Variants in FGD4 observed in about 807,000 individuals in gnomAD.
FGD4 encodes the protein FYVE, RhoGEF and PH domain-containing protein 4.
A neutral mutation model predicts 102.0 loss-of-function variants in FGD4; 42 were observed. The ratio of observed to expected loss-of-function variants is 0.41; its 90% confidence interval spans 0.32 to 0.53. The LOEUF (loss-of-function observed/expected upper bound fraction) is 0.53, where lower values mean the gene tolerates loss of function less well. Among genes scored for constraint, FGD4 ranks in the 20% least tolerant of loss-of-function variants. The pLI is 0.21. For synonymous variants in FGD4, 380 were observed against 375.7 expected (o/e 1.01, Z -0.13); for missense variants, 902 against 1,078.2 (o/e 0.84, Z 2.29).
chr12:32,520,440 G>GTTTTTTTTTTTTTT (rs1167066001), intron 1 of FGD4, among the ~76,000 whole-genome samples: 1 of 134,112 alleles, frequency 7.5e-6, no homozygotes, highest in Non-Finnish European at 1.6e-5. Flanking sequence ...TTTGTTTTTT[G>GTTTTTTTTTTTTTT]TTTTTTTTTT....
intron 8 of FGD4, among the ~76,000 whole-genome samples, chr12:32,608,313 G>C (rs1248268501): frequency 6.6e-6 from 1 of 152,174 alleles, no homozygotes; most frequent in Non-Finnish European, 1.5e-5. Flanking sequence ...TAATTTTGCT[G>C]GTTCCATGTT....
At chr12:32,417,231 A>T (rs1023311373) in intron 1 of FGD4, among the ~76,000 whole-genome samples, 5 of 151,802 alleles carry the variant, frequency 3.3e-5, no homozygotes, top group Non-Finnish European at 7.4e-5. Context: ...ACCATTTAGC[A>T]TTTTTTGTAG....
In FGD4 at chr12:32,640,238, A is replaced by G. The variant is rs200834951; in HGVS notation, c.2455-38A>G. On this transcript the variant is annotated intron_variant, in intron 16 of 16. Coordinates refer to ENST00000534526, the MANE Select transcript of FGD4 (RefSeq NM_001370298.3). Reference sequence around the variant, plus strand: ...CAAGGGACACACTTAACAAGCGAATACATCACCTGCTTTTAATGTCTGATG... The same window carrying G: ...CAAGGGACACACTTAACAAGCGAATGCATCACCTGCTTTTAATGTCTGATG... 7.6e-4 allele frequency: 1,219 copies of G among 1,614,118 alleles called. 4 individuals are homozygous for G. Among genetic ancestry groups the G allele is most frequent in the Middle Eastern group, 4.8e-3 (29 of 6,044 alleles).
intron 1 of FGD4, among the ~76,000 whole-genome samples, chr12:32,555,405 G>A (rs1944011051): frequency 6.6e-6 from 1 of 152,070 alleles, no homozygotes; most frequent in South Asian, 2.1e-4. Flanking sequence ...GATGCTGGTA[G>A]GCAACTGCAT....
At chr12:32,508,613 C>G (rs778178880) in intron 1 of FGD4, among the ~76,000 whole-genome samples, 27 of 152,172 alleles carry the variant, frequency 1.8e-4, no homozygotes, top group Non-Finnish European at 2.6e-4. Context: ...CTTGTTAAGT[C>G]CAACACTGCA....
intron 1 of FGD4, among the ~76,000 whole-genome samples, chr12:32,555,108 T>A (rs1446041974): frequency 6.6e-6 from 1 of 152,126 alleles, no homozygotes; most frequent in Non-Finnish European, 1.5e-5. Flanking sequence ...AGTTAAAAAT[T>A]ATGGTAGTTT....
At chr12:32,429,074 G>A (rs141251278) in intron 1 of FGD4, among the ~76,000 whole-genome samples, 1,533 of 152,260 alleles carry the variant, frequency 0.01, 31 homozygotes, top group African/African-American at 0.035. Context: ...CCTTGCTGGT[G>A]AGGAGTTGTG....
chr12:32,446,978 G>A (rs1186472609), intron 1 of FGD4, among the ~76,000 whole-genome samples: 1 of 152,224 alleles, frequency 6.6e-6, no homozygotes. Flanking sequence ...CAGTGTGTTA[G>A]CAGCCTTGGG....
chr12:32,513,985 A>C (rs1939642000), intron 1 of FGD4, among the ~76,000 whole-genome samples: 1 of 152,224 alleles, frequency 6.6e-6, no homozygotes, highest in Non-Finnish European at 1.5e-5. Context: ...TGAAAAAGTA[A>C]AGTGTAACAA....
intron 1 of FGD4, among the ~76,000 whole-genome samples, chr12:32,459,657 A>G (rs1326331807): frequency 6.6e-6 from 1 of 152,126 alleles, no homozygotes. Context: ...TGAAAAAGAA[A>G]TGTATTTAAA....
intron 1 of FGD4, among the ~76,000 whole-genome samples, chr12:32,552,404 C>T (rs957835262): frequency 9.3e-5 from 14 of 150,952 alleles, no homozygotes; most frequent in Non-Finnish European, 1.6e-4. Context: ...GGATTACAGG[C>T]GCCCGCCGCC....
intron 14 of FGD4, among the ~76,000 whole-genome samples, chr12:32,628,815 G>A (rs1950331874): frequency 6.6e-6 from 1 of 152,122 alleles, no homozygotes; most frequent in East Asian, 1.9e-4. Flanking sequence ...CAATATGTTT[G>A]GGGATGAGGC....
intron 15 of FGD4, among the ~76,000 whole-genome samples, chr12:32,636,024 T>G (rs1183757018): frequency 6.7e-6 from 1 of 150,322 alleles, no homozygotes; most frequent in Non-Finnish European, 1.5e-5. Flanking sequence ...ATAATAATAA[T>G]AATAATAATA....
chr12:32,616,970 A>G (rs573074750), intron 10 of FGD4, among the ~76,000 whole-genome samples: 50 of 150,316 alleles, frequency 3.3e-4, no homozygotes, highest in South Asian at 1.3e-3. Context: ...TGCAGAAGGC[A>G]GGCATCACAT....
At chr12:32,444,021 CTTTT>C (rs67353121) in intron 1 of FGD4, among the ~76,000 whole-genome samples, 4,851 of 118,966 alleles carry the variant, frequency 0.041, 78 homozygotes, top group South Asian at 0.11. Flanking sequence ...ACTTTGTTTT[CTTTT>C]TTTTTTTTTT....
At chr12:32,610,634 A>G (rs1565903670) in intron 8 of FGD4, 142 bp from the exon 9 acceptor site, 4 of 709,952 alleles carry the variant, frequency 5.6e-6, no homozygotes, top group Admixed American at 2.4e-5. Context: ...TTTAGAAAGT[A>G]TATACCGTTT....
intron 1 of FGD4, among the ~76,000 whole-genome samples, chr12:32,474,066 T>C (rs7962302): frequency 0.37 from 56,247 of 150,840 alleles, 11,337 homozygotes; most frequent in South Asian, 0.52. Flanking sequence ...CCAGCCTGGG[T>C]GACAGTGCGA....
chr12:32,464,806 G>A (rs768781597), intron 1 of FGD4, among the ~76,000 whole-genome samples: 10 of 152,160 alleles, frequency 6.6e-5, no homozygotes, highest in Non-Finnish European at 1.3e-4. Context: ...TACATCCTGT[G>A]CTTCTAAGAA....
At chr12:32,604,506 A>G (rs1948640061) in intron 7 of FGD4, among the ~76,000 whole-genome samples, 3 of 152,160 alleles carry the variant, frequency 2.0e-5, no homozygotes, top group Admixed American at 2.0e-4. Flanking sequence ...TTCTTCTGTC[A>G]TCTCAAATCT....
Sources: allele counts gnomAD v4.1 joint callset (sites outside exome capture counted in the v4.1 genomes callset), GRCh38; gene constraint gnomAD v4.1.1; transcripts MANE v1.5; gene names NCBI Gene and HGNC (gene_info 2026-07-23, HGNC 2026-07-21).